LOXL2: variants seen among roughly 807,000 people sequenced by gnomAD.
LOXL2 encodes the protein lysyl oxidase like 2.
A neutral mutation model predicts 93.0 loss-of-function variants in LOXL2; 70 were observed. The ratio of observed to expected loss-of-function variants is 0.75; its 90% confidence interval spans 0.62 to 0.92. LOXL2 has a LOEUF of 0.92. Ranked by LOEUF, LOXL2 falls within the 40% of genes least tolerant of loss-of-function variation. LOXL2 has a pLI of 0.00. For synonymous variants in LOXL2, 438 were observed against 413.2 expected (o/e 1.06, Z -0.73); for missense variants, 973 against 1,054.9 (o/e 0.92, Z 1.08).
intron 9 of LOXL2, among the ~76,000 whole-genome samples, chr8:23,315,941 T>C (rs1240084785): frequency 1.3e-5 from 2 of 152,228 alleles, no homozygotes; most frequent in Non-Finnish European, 2.9e-5. Flanking sequence ...GGGAAGTGGC[T>C]GTTCCTCTTT....
At chr8:23,319,427 G>T (rs1430775434) in intron 8 of LOXL2, among the ~76,000 whole-genome samples, 2 of 152,196 alleles carry the variant, frequency 1.3e-5, no homozygotes, top group African/African-American at 4.8e-5. Context: ...ATTAGGCACA[G>T]ATGCCAGCGG....
At chr8:23,343,469 G>A (rs912887269) in intron 3 of LOXL2, among the ~76,000 whole-genome samples, 2 of 152,162 alleles carry the variant, frequency 1.3e-5, no homozygotes, top group African/African-American at 4.8e-5. Context: ...GGTCCAAGCC[G>A]GGCTGGAAGG....
intron 1 of LOXL2, chr8:23,386,049 A>T (rs774326728): frequency 2.6e-6 from 2 of 765,232 alleles, no homozygotes; most frequent in Non-Finnish European, 4.8e-6. Flanking sequence ...TATTTTCCTA[A>T]GGAAAAACCG....
At chr8:23,335,737 G>C (rs1451940401) in intron 4 of LOXL2, among the ~76,000 whole-genome samples, 2 of 152,158 alleles carry the variant, frequency 1.3e-5, no homozygotes, top group Non-Finnish European at 2.9e-5. Flanking sequence ...CCAAGACAGG[G>C]CAGAGGCGAG....
intron 3 of LOXL2, among the ~76,000 whole-genome samples, chr8:23,356,139 C>A (rs1804193192): frequency 6.6e-6 from 1 of 152,094 alleles, no homozygotes; most frequent in Admixed American, 6.5e-5. Context: ...ATCAGTATAC[C>A]TTTTAATTTC....
intron 5 of LOXL2, among the ~76,000 whole-genome samples, chr8:23,332,391 C>T (rs1391446956): frequency 2.3e-5 from 3 of 129,010 alleles, no homozygotes; most frequent in Admixed American, 7.8e-5. Context: ...CACACTCATA[C>T]ACACACACTC....
chr8:23,352,035 A>G (rs893265904), intron 3 of LOXL2, among the ~76,000 whole-genome samples: 10 of 145,602 alleles, frequency 6.9e-5, no homozygotes, highest in African/African-American at 2.7e-4. Context: ...CTGGTCTCGA[A>G]CTCCTGACCT....
chr8:23,340,640 C>T (rs1407977238), intron 4 of LOXL2, among the ~76,000 whole-genome samples: 1 of 152,178 alleles, frequency 6.6e-6, no homozygotes, highest in Non-Finnish European at 1.5e-5. Flanking sequence ...AGGGTATTGC[C>T]CTAGCCTAGC....
At chr8:23,371,885 C>T (rs1365755410) in intron 1 of LOXL2, among the ~76,000 whole-genome samples, 1 of 149,150 alleles carries the variant, frequency 6.7e-6, no homozygotes, top group Admixed American at 6.7e-5. Flanking sequence ...GTACTATTGT[C>T]TATTAGACTT....
intron 9 of LOXL2, among the ~76,000 whole-genome samples, chr8:23,315,886 T>C (rs948945244): frequency 3.3e-5 from 5 of 152,328 alleles, no homozygotes; most frequent in Non-Finnish European, 5.9e-5. Flanking sequence ...AGATGGGATA[T>C]TGCAAATATA....
In LOXL2 at chr8:23,320,072, C is replaced by T; in HGVS notation, c.1303-20G>A. On this transcript the variant is annotated intron_variant, in intron 7 of 13. Transcript: ENST00000389131. The stretch of plus-strand genomic sequence containing the variant: ...GCGCAGCTGCAGACACAAAGGCAGG[C>T]CACGGTCACCAAGAGGGACAAGGGA... The T allele has an allele frequency of 6.2e-7, 1 of 1,612,374 alleles. No individual in the cohort carries two copies. Among genetic ancestry groups the T allele is most frequent in the Non-Finnish European group, 8.5e-7 (1 of 1,179,422 alleles).
chr8:23,341,344 T>C (rs968250053), intron 3 of LOXL2, 141 bp from the exon 4 acceptor site: 10 of 691,904 alleles, frequency 1.4e-5, no homozygotes, highest in Non-Finnish European at 2.3e-5. Flanking sequence ...CAGTGAGCTC[T>C]GGGCAACCCC....
chr8:23,349,205 T>A (rs1184198737), intron 3 of LOXL2, among the ~76,000 whole-genome samples: 4 of 152,186 alleles, frequency 2.6e-5, no homozygotes, highest in Admixed American at 2.6e-4. Flanking sequence ...GGCGTGATAA[T>A]GTCGTCATCT....
intron 2 of LOXL2, among the ~76,000 whole-genome samples, chr8:23,362,554 G>A (rs192796656): frequency 1.3e-3 from 200 of 152,196 alleles, no homozygotes; most frequent in African/African-American, 4.4e-3. Context: ...GCAATATAGC[G>A]AGGCCTCATC....
chr8:23,302,590 A>G (rs1411776375), intron 11 of LOXL2, among the ~76,000 whole-genome samples: 1 of 152,212 alleles, frequency 6.6e-6, no homozygotes, highest in African/African-American at 2.4e-5. Context: ...TTATCTGCAC[A>G]TGGTAAGAGG....
chr8:23,364,494 A>C (rs571327340), intron 2 of LOXL2: 1 of 152,340 alleles, frequency 6.6e-6, no homozygotes, highest in South Asian at 2.1e-4. Context: ...AATGAAATTC[A>C]GTTGGAATGC....
At chr8:23,335,825 G>A (rs1478125390) in intron 4 of LOXL2, among the ~76,000 whole-genome samples, 1 of 152,174 alleles carries the variant, frequency 6.6e-6, no homozygotes, top group Non-Finnish European at 1.5e-5. Flanking sequence ...GACAGAGGAA[G>A]GGCAAATCCT....
chr8:23,377,005 T>C (rs942478840), intron 1 of LOXL2, among the ~76,000 whole-genome samples: 52 of 152,364 alleles, frequency 3.4e-4, no homozygotes, highest in African/African-American at 1.2e-3. Flanking sequence ...TTCCTCTTGC[T>C]TCTCTAGTTC....
At chr8:23,349,017 A>G (rs938038554) in intron 3 of LOXL2, among the ~76,000 whole-genome samples, 1 of 150,114 alleles carries the variant, frequency 6.7e-6, no homozygotes, top group Non-Finnish European at 1.5e-5. Flanking sequence ...TCCTCTTTTC[A>G]TCGAGTCATT....
Sources: allele counts gnomAD v4.1 joint callset (sites outside exome capture counted in the v4.1 genomes callset), GRCh38; gene constraint gnomAD v4.1.1; transcripts MANE v1.5; gene names NCBI Gene and HGNC (gene_info 2026-07-23, HGNC 2026-07-21).